RARA: variants seen among roughly 807,000 people sequenced by gnomAD.
The protein encoded by RARA is retinoic acid receptor alpha, also known as PML-DDX5-RARA fusion.
In RARA, 5 loss-of-function variants were observed where a neutral mutation model predicts 42.8. That is an observed-to-expected ratio of 0.12 (90% CI 0.06 to 0.25). The LOEUF is 0.25. Among genes scored for constraint, RARA ranks in the 10% least tolerant of loss-of-function variants. The probability of loss-of-function intolerance (pLI) is 1.00; values close to 1 mark genes in which losing one functional copy is unlikely to be tolerated. For synonymous variants in RARA, 256 were observed against 259.5 expected, an observed-to-expected ratio of 0.99 and a Z score of 0.13; for missense variants, 402 against 628.7, an observed-to-expected ratio of 0.64 and a Z score of 3.86.
intron 2 of RARA, among the ~76,000 whole-genome samples, chr17:40,336,427 T>C (rs948651543): frequency 6.6e-6 from 1 of 152,174 alleles, no homozygotes; most frequent in African/African-American, 2.4e-5. Context: ...AGTCTAGCTC[T>C]GTTAGCCAGG....
chr17:40,322,403 G>A (rs1195257522), intron 1 of RARA, among the ~76,000 whole-genome samples: 1 of 152,028 alleles, frequency 6.6e-6, no homozygotes, highest in Non-Finnish European at 1.5e-5. Flanking sequence ...AGTGGGGCAC[G>A]CCGGGGCTGG....
chr17:40,339,440 C>G (rs561747918), intron 2 of RARA, among the ~76,000 whole-genome samples: 2 of 152,172 alleles, frequency 1.3e-5, no homozygotes, highest in South Asian at 4.1e-4. Flanking sequence ...GGCCCCCCAG[C>G]CCCAGCTGCG....
At chr17:40,312,140 C>T (rs1473887088) in intron 1 of RARA, among the ~76,000 whole-genome samples, 1 of 152,204 alleles carries the variant, frequency 6.6e-6, no homozygotes, top group Non-Finnish European at 1.5e-5. Context: ...ATTCCTTCTG[C>T]CCTCAAAAGA....
chr17:40,342,738 C>G, intron 2 of RARA: 1 of 1,612,436 alleles, frequency 6.2e-7, no homozygotes, highest in East Asian at 2.2e-5. Flanking sequence ...GGGTCCCACC[C>G]CTAATCCCTT....
Position 40,356,894 on chromosome 17 carries a change from A to T in RARA, c.*668A>T. The stretch of plus-strand genomic sequence containing the variant: ...AGGGAGTGGCTCGGAAGGGGCCCCC[A>T]CTCTCCTTTCATGTCCCTGTGCCCC... On this transcript the variant is annotated 3_prime_UTR_variant, in exon 9 of 9. Transcript: ENST00000254066. 1 of 408,924 alleles carries T rather than the reference A, an allele frequency of 2.4e-6. No homozygotes were observed. The highest frequency in any genetic ancestry group is 2.3e-5 in the South Asian group (1 of 42,952). The allele number at this position is 408,924 out of a possible 1,614,324, so 25.3% of individuals were successfully genotyped here.
chr17:40,314,895 C>G (rs990290340), intron 1 of RARA, among the ~76,000 whole-genome samples: 1 of 151,746 alleles, frequency 6.6e-6, no homozygotes, highest in Non-Finnish European at 1.5e-5. Context: ...ATGTGTGCAG[C>G]CCCCAGTGTC....
At chr17:40,309,762 A>G (rs1235205682) in intron 1 of RARA, among the ~76,000 whole-genome samples, 1 of 152,172 alleles carries the variant, frequency 6.6e-6, no homozygotes, top group Non-Finnish European at 1.5e-5. Flanking sequence ...CTTGTAGGGG[A>G]ACTAATGTCC....
intron 2 of RARA, among the ~76,000 whole-genome samples, chr17:40,339,792 C>T (rs901407109): frequency 6.6e-6 from 1 of 152,226 alleles, no homozygotes; most frequent in African/African-American, 2.4e-5. Flanking sequence ...CTTTTCCTGA[C>T]CACAAGGTCT....
At chr17:40,349,151 C>A in intron 3 of RARA, 1 of 156,108 alleles carries the variant, frequency 6.4e-6, no homozygotes, top group Non-Finnish European at 1.4e-5. Flanking sequence ...AAGGGCAAAG[C>A]ACAAGGACTC....
intron 2 of RARA, chr17:40,341,535 G>A: frequency 1.4e-6 from 2 of 1,462,522 alleles, no homozygotes; most frequent in Non-Finnish European, 1.8e-6. Context: ...CTCCGGGGGA[G>A]GTGGCCCGGT....
At chr17:40,353,239 C>G (rs552975425) in intron 6 of RARA, among the ~76,000 whole-genome samples, 1 of 151,244 alleles carries the variant, frequency 6.6e-6, no homozygotes, top group East Asian at 2.0e-4. Flanking sequence ...AGGGGACTGC[C>G]GGGCACTCGG....
chr17:40,331,376 A>G lies in RARA; in HGVS notation c.158A>G (p.Tyr53Cys). 6.2e-7 allele frequency: 1 copy of G among 1,613,594 alleles called. No individual in the cohort carries two copies. Among genetic ancestry groups the G allele is most frequent in the Non-Finnish European group, 8.5e-7 (1 of 1,179,734 alleles). Residue 53 changes from tyrosine (Y) to cysteine (C), a missense_variant, in exon 2 of 9, where the codon TAT becomes TGT. By Grantham distance (194) the Tyr-to-Cys change is radical. Coordinates refer to ENST00000254066, the MANE Select transcript of RARA (RefSeq NM_000964.4). ...CAGCACCAGCTTCCAGTTAGTGGATATAGCACACCATCCCCAGCCAGTAAG... is the reference window on the plus strand; with the variant it reads ...CAGCACCAGCTTCCAGTTAGTGGATGTAGCACACCATCCCCAGCCAGTAAG... ...TLQHQLPVSG[Y>C]STPSPATIET...
intron 1 of RARA, among the ~76,000 whole-genome samples, chr17:40,315,790 C>T (rs2033201385): frequency 6.6e-6 from 1 of 152,170 alleles, no homozygotes; most frequent in South Asian, 2.1e-4. Context: ...AGACTCTCTT[C>T]CTTCACTTCC....
At position 40,356,423 on chromosome 17, in the gene RARA, C is replaced by T; in HGVS notation, c.*197C>T. ...CTGGGCCCTCAGTGGACTGCCTGCT[C>T]CCACAGCCTGGGCTGACGTCAGAGG... is the stretch of plus-strand genomic sequence containing the variant. On this transcript the variant is annotated 3_prime_UTR_variant, in exon 9 of 9. Coordinates refer to ENST00000254066, the MANE Select transcript of RARA (RefSeq NM_000964.4). The T allele has an allele frequency of 1.4e-6, 1 of 737,212 alleles. No individual in the cohort carries two copies. 45.7% of individuals were successfully genotyped at this position (737,212 alleles called of 1,614,324 possible). A position where few individuals can be genotyped will look rare whatever the true frequency, so the allele number is the denominator to read the frequency against.
At chr17:40,325,626 G>A (rs768083732) in intron 1 of RARA, among the ~76,000 whole-genome samples, 10 of 152,238 alleles carry the variant, frequency 6.6e-5, no homozygotes, top group South Asian at 4.1e-4. Context: ...GTCCAAAGGC[G>A]GCAGGGCTTT....
At chr17:40,341,288 C>T in intron 2 of RARA, 7 of 1,370,404 alleles carry the variant, frequency 5.1e-6, no homozygotes, top group South Asian at 1.7e-5. Context: ...GGGCTTTGCT[C>T]GCCGGAAGCA....
chr17:40,346,972 G>A (rs1000293112), intron 2 of RARA, among the ~76,000 whole-genome samples: 4 of 152,234 alleles, frequency 2.6e-5, no homozygotes, highest in African/African-American at 9.6e-5. Flanking sequence ...GTCATCAGCC[G>A]CCTAGCAGCC....
chr17:40,353,631 A>G (rs1357165920), intron 6 of RARA, among the ~76,000 whole-genome samples: 2 of 151,922 alleles, frequency 1.3e-5, no homozygotes, highest in Non-Finnish European at 2.9e-5. Flanking sequence ...TAATTTTTGT[A>G]TTTTTGTAGA....
rs2034468765 is a variant in RARA at position 40,351,979 on chromosome 17, T to C, written c.539T>C (p.Leu180Pro). Residue 180 changes from leucine to proline, a missense_variant, in exon 5 of 9, where the codon CTG (leucine) becomes CCG (proline). Physicochemically the swap from Leu to Pro is moderately conservative, Grantham distance 98 (BLOSUM62 -3). Around this residue, in one of 5 missense-constraint regions of RARA, gnomAD observed 130 missense variants for 267.9 expected, o/e 0.49. Transcript: ENST00000254066. This position sits in a 1 kb window ranked among gnomAD's most constrained non-coding sequence, Gnocchi z 4.1. ...CCCGAGTGCTCTGAGAGCTACACGC[T>C]GACGCCGGAGGTGGGGGAGCTCATT... Reference protein sequence around the residue: ...PKPECSESYTLTPEVGELIEK... With the variant: ...PKPECSESYTPTPEVGELIEK... The C allele has an allele frequency of 6.2e-7, 1 of 1,607,682 alleles. No individual in the cohort carries two copies.
Sources: gnomAD v4.1 joint callset for allele counts (sites outside exome capture counted in the v4.1 genomes callset) on GRCh38, gnomAD v4.1.1 for gene constraint, gnomAD v4.1.1 regional missense constraint, Gnocchi (gnomAD v3.1) non-coding constraint, MANE v1.5 for transcripts, NCBI Gene and HGNC (gene_info 2026-07-23, HGNC 2026-07-21) for gene names.